The following HMGA2 variants were observed in gnomAD, a reference collection of about 807,000 sequenced individuals.
The protein encoded by HMGA2 is high mobility group protein HMGI-C.
A neutral mutation model predicts 19.1 loss-of-function variants in HMGA2; 8 were observed. The ratio of observed to expected loss-of-function variants is 0.42; its 90% CI spans 0.25 to 0.76. The LOEUF is 0.76. HMGA2 is among the 30% of genes least tolerant of loss of function. The pLI is 0.28. For synonymous variants in HMGA2, 60 were observed against 48.8 expected (o/e 1.23, Z -0.96); for missense variants, 109 against 136.3 (o/e 0.80, Z 1.00).
At chr12:65,880,510 AAC>A (rs2121094088) in intron 3 of HMGA2, among the ~76,000 whole-genome samples, 1 of 152,334 alleles carries the variant, frequency 6.6e-6, no homozygotes, top group African/African-American at 2.4e-5. Context: ...AGAGACCTCA[AAC>A]ACAGTCCCTG....
chr12:65,838,992 C>CTTTTTTTTTTTTTTT (rs1565703147), intron 3 of HMGA2, among the ~76,000 whole-genome samples: 11 of 89,430 alleles, frequency 1.2e-4, no homozygotes, highest in Admixed American at 3.0e-4. Flanking sequence ...CTTTCTTTTT[C>CTTTTTTTTTTTTTTT]TTTTTCTTTT....
chr12:65,885,583 T>C (rs990778285), intron 3 of HMGA2, among the ~76,000 whole-genome samples: 2 of 152,206 alleles, frequency 1.3e-5, no homozygotes, highest in African/African-American at 4.8e-5. Flanking sequence ...GGTGATAGCA[T>C]CTGGAATGTG....
intron 3 of HMGA2, among the ~76,000 whole-genome samples, chr12:65,944,133 T>C (rs1876181320): frequency 6.6e-6 from 1 of 152,212 alleles, no homozygotes. Context: ...TATCTAATTA[T>C]CAAAATACAT....
Position 65,899,031 on chromosome 12 carries a change from G to A in HMGA2, c.250-52352G>A, listed in dbSNP as rs528308635. ...GGCACTCCAGCCTGGGCAACAGAGC[G>A]AGACTCCGTCTCAAAAAAAAAAAAA... On this transcript the variant is annotated intron_variant, in intron 3 of 4. Coordinates refer to ENST00000403681, the MANE Select transcript of HMGA2 (RefSeq NM_003483.6). 4.6e-4 allele frequency among the ~76,000 whole-genome samples: 56 copies of A among 121,602 alleles called. 1 individual carries two copies. In the South Asian group the frequency reaches 0.013, roughly 28 times the overall value. The allele number at this position is 121,602 out of a possible 152,430, so 79.8% of individuals were successfully genotyped here.
intron 3 of HMGA2, among the ~76,000 whole-genome samples, chr12:65,849,728 G>A (rs1871373139): frequency 7.7e-6 from 1 of 129,804 alleles, no homozygotes; most frequent in Non-Finnish European, 1.5e-5. Context: ...GACAATGGTA[G>A]GCTCTGTATT....
At chr12:65,843,880 G>A (rs1871119884) in intron 3 of HMGA2, among the ~76,000 whole-genome samples, 1 of 151,840 alleles carries the variant, frequency 6.6e-6, no homozygotes, top group Non-Finnish European at 1.5e-5. Flanking sequence ...GAAACCCCAT[G>A]TCCATCAATA....
intron 3 of HMGA2, among the ~76,000 whole-genome samples, chr12:65,855,776 C>T (rs1221877192): frequency 2.0e-5 from 3 of 151,834 alleles, no homozygotes; most frequent in Non-Finnish European, 4.4e-5. Context: ...AAAACACTAT[C>T]AATGTGATCA....
At chr12:65,853,792 G>C (rs1871594232) in intron 3 of HMGA2, among the ~76,000 whole-genome samples, 1 of 152,174 alleles carries the variant, frequency 6.6e-6, no homozygotes, top group South Asian at 2.1e-4. Flanking sequence ...AAATTCAGTT[G>C]CTTTTCCCGT....
intron 3 of HMGA2, among the ~76,000 whole-genome samples, chr12:65,892,741 C>T (rs957325851): frequency 6.6e-6 from 1 of 151,980 alleles, no homozygotes; most frequent in South Asian, 2.1e-4. Context: ...TGCCTTCAGC[C>T]GTCCTCAATC....
At chr12:65,888,434 G>A (rs1027010233) in intron 3 of HMGA2, among the ~76,000 whole-genome samples, 2 of 151,218 alleles carry the variant, frequency 1.3e-5, no homozygotes, top group Admixed American at 6.6e-5. Context: ...CAGCCTGGGC[G>A]GCAGAGTGAG....
chr12:65,966,183 T>C lies in HMGA2; in HGVS notation c.*2891T>C, dbSNP rs981656358. On this transcript the variant is annotated 3_prime_UTR_variant, in exon 5 of 5. Coordinates refer to ENST00000403681, the MANE Select transcript of HMGA2 (RefSeq NM_003483.6). The stretch of plus-strand genomic sequence containing the variant: ...AAATATTTCTCTAGTGTATTATCAC[T>C]GTCTGTTCTGCACAATAAACATAAC... 3.5e-5 allele frequency: 7 copies of C among 199,526 alleles called. No homozygotes were observed. The highest frequency in any genetic ancestry group is 1.2e-4 in the Admixed American group (2 of 16,518). The allele number at this position is 199,526 out of a possible 1,614,324, so 12.4% of individuals were successfully genotyped here. A position where few individuals can be genotyped will look rare whatever the true frequency, so the allele number is the denominator to read the frequency against.
At chr12:65,955,472 A>C (rs147910436) in intron 4 of HMGA2, 1 of 152,134 alleles carries the variant, frequency 6.6e-6, no homozygotes, top group East Asian at 1.9e-4. Context: ...TTCCCTTTTA[A>C]GGCTTTAATC....
At chr12:65,842,436 C>T (rs1008922654) in intron 3 of HMGA2, among the ~76,000 whole-genome samples, 1 of 152,188 alleles carries the variant, frequency 6.6e-6, no homozygotes, top group Non-Finnish European at 1.5e-5. Context: ...CCAGTAGTTA[C>T]ACATAGAATG....
chr12:65,848,532 G>A (rs924558531), intron 3 of HMGA2, among the ~76,000 whole-genome samples: 1 of 152,192 alleles, frequency 6.6e-6, no homozygotes, highest in Non-Finnish European at 1.5e-5. Flanking sequence ...AAGTACTTCA[G>A]TTAGAATAAT....
chr12:65,894,316 T>C (rs1243506806), intron 3 of HMGA2, among the ~76,000 whole-genome samples: 1 of 152,216 alleles, frequency 6.6e-6, no homozygotes, highest in Non-Finnish European at 1.5e-5. Flanking sequence ...ATTTCTTTGA[T>C]GATCTATTTT....
At position 65,950,591 on chromosome 12, in the gene HMGA2, G is replaced by C. The variant is rs980803544; in HGVS notation, c.250-792G>C. On this transcript the variant is annotated intron_variant, in intron 3 of 4. Coordinates refer to ENST00000403681, the MANE Select transcript of HMGA2 (RefSeq NM_003483.6). Reference sequence around the variant, plus strand: ...GGGTAGTGGGGAGTAACCACTAATGGGTACAAGATTTCTTTTAGAGGAGAT... The same window carrying C: ...GGGTAGTGGGGAGTAACCACTAATGCGTACAAGATTTCTTTTAGAGGAGAT... Among the ~76,000 whole-genome samples, 6 of 152,210 alleles carry C rather than the reference G, an allele frequency of 3.9e-5. No individual in the cohort carries two copies. In the South Asian group the frequency reaches 1.2e-3, roughly 32 times the overall value.
intron 3 of HMGA2, among the ~76,000 whole-genome samples, chr12:65,887,928 G>C (rs1463833964): frequency 6.8e-6 from 1 of 147,642 alleles, no homozygotes; most frequent in Admixed American, 6.8e-5. Context: ...TAATCTAATT[G>C]CCCCTTCCTT....
At chr12:65,894,226 A>G (rs549683796) in intron 3 of HMGA2, among the ~76,000 whole-genome samples, 57 of 152,318 alleles carry the variant, frequency 3.7e-4, no homozygotes, top group African/African-American at 1.3e-3. Flanking sequence ...AAACTCTACC[A>G]TCTGCTAGAT....
At chr12:65,919,602 T>A (rs1391482120) in intron 3 of HMGA2, among the ~76,000 whole-genome samples, 1 of 152,256 alleles carries the variant, frequency 6.6e-6, no homozygotes, top group African/African-American at 2.4e-5. Context: ...AAATCTGCCA[T>A]TTTCTCACTC....
Sources: allele counts gnomAD v4.1 joint callset (sites outside exome capture counted in the v4.1 genomes callset), GRCh38; gene constraint gnomAD v4.1.1; transcripts MANE v1.5; gene names NCBI Gene and HGNC (gene_info 2026-07-23, HGNC 2026-07-21).